Variants in DTNB observed in about 807,000 individuals in gnomAD.
The protein encoded by DTNB is DTN-B.
DTNB carries 63 observed loss-of-function variants against 90.7 expected under a neutral mutation model. The observed-to-expected ratio is 0.69, with a 90% CI of 0.57 to 0.86. The LOEUF is 0.86. DTNB is among the 40% of genes least tolerant of loss of function. The pLI is 0.00. For synonymous variants in DTNB, 277 were observed against 286.7 expected (o/e 0.97, Z 0.34); for missense variants, 744 against 807.1 (o/e 0.92, Z 0.95).
At chr2:25,479,300 A>G (rs2064406018) in intron 10 of DTNB, among the ~76,000 whole-genome samples, 1 of 152,218 alleles carries the variant, frequency 6.6e-6, no homozygotes, top group Non-Finnish European at 1.5e-5. Context: ...AAAATAACAG[A>G]ACAGTACGCA....
intron 12 of DTNB, among the ~76,000 whole-genome samples, chr2:25,442,174 A>T (rs575295615): frequency 6.6e-6 from 1 of 152,256 alleles, no homozygotes; most frequent in Non-Finnish European, 1.5e-5. Flanking sequence ...CTGAAAGAGT[A>T]AAGTACTGGT....
intron 12 of DTNB, among the ~76,000 whole-genome samples, chr2:25,446,839 T>C (rs2058506053): frequency 6.6e-6 from 1 of 152,236 alleles, no homozygotes; most frequent in African/African-American, 2.4e-5. Context: ...ACCCTAATTC[T>C]ATTTTCTTTT....
chr2:25,432,979 T>C lies in DTNB; in HGVS notation c.1364A>G (p.Gln455Arg), dbSNP rs1476061267. Reference protein sequence around the residue: ...NKNREILQEIQRLRLEHEQAS... With the variant: ...NKNREILQEIRRLRLEHEQAS... The stretch of plus-strand genomic sequence containing the variant: ...CTGCTCGTGTTCCAGGCGGAGACGC[T>C]GAATCTCCTGCAGGATCTCTCTAGA... The change falls in exon 14 of 21, where the codon CAG becomes CGG. Residue 455 changes from glutamine to arginine, a missense_variant. Coordinates refer to ENST00000406818, the MANE Select transcript of DTNB (RefSeq NM_021907.5). 2 of 1,608,178 alleles carry C rather than the reference T, an allele frequency of 1.2e-6. No homozygotes were observed. The highest frequency in any genetic ancestry group is 1.3e-5 in the African/African-American group (1 of 74,872).
At position 25,525,492 on chromosome 2, in the gene DTNB, TG is replaced by T. The variant is rs549071514; in HGVS notation, c.1001+5980del. 2.0e-3 allele frequency among the ~76,000 whole-genome samples: 297 copies of T among 151,940 alleles called. 1 individual carries two copies. Among genetic ancestry groups the T allele is most frequent in the Non-Finnish European group, 3.0e-3 (207 of 67,952 alleles). ...CCTCTACCAAAAATATAAAATTAGC[TG>T]GGGGTGGTGGCACATGCCTGTAATC... On this transcript the variant is annotated intron_variant, in intron 9 of 20. Transcript: ENST00000406818.
chr2:25,426,305 A>G (rs1574255017), intron 15 of DTNB, among the ~76,000 whole-genome samples: 1 of 152,228 alleles, frequency 6.6e-6, no homozygotes, highest in South Asian at 2.1e-4. Flanking sequence ...CTTCACCAAC[A>G]TGAGCAGCAT....
intron 9 of DTNB, among the ~76,000 whole-genome samples, chr2:25,483,347 G>C (rs1168667296): frequency 6.6e-6 from 1 of 152,168 alleles, no homozygotes; most frequent in African/African-American, 2.4e-5. Flanking sequence ...CGAGGTGCAT[G>C]CTGTTCCTGA....
intron 3 of DTNB, among the ~76,000 whole-genome samples, chr2:25,630,361 C>G (rs79999892): frequency 0.026 from 3,986 of 152,286 alleles, 73 homozygotes; most frequent in African/African-American, 0.05. Flanking sequence ...AGGTCCCATA[C>G]GACCCAGCAA....
At chr2:25,632,658 A>C (rs906088669) in intron 3 of DTNB, among the ~76,000 whole-genome samples, 2 of 152,224 alleles carry the variant, frequency 1.3e-5, no homozygotes, top group African/African-American at 4.8e-5. Context: ...CATGGCCTCC[A>C]GACTCTGCAG....
rs1289488809 is a variant in DTNB at position 25,634,643 on chromosome 2, G to C, written c.148+4371C>G. ...GGGAAAGGTGGGGAAAAGATTGAGA[G>C]GTTGGATGGTTGCCGTGTCTGTGTA... On this transcript the variant is annotated intron_variant, in intron 3 of 20. Transcript: ENST00000406818. 1.7e-5 allele frequency among the ~76,000 whole-genome samples: 2 copies of C among 115,352 alleles called. 1 individual carries two copies. Among genetic ancestry groups the C allele is most frequent in the Non-Finnish European group, 4.1e-5 (2 of 48,852 alleles). The allele number at this position is 115,352 out of a possible 152,430, so 75.7% of individuals were successfully genotyped here.
chr2:25,617,562 A>T (rs572176406), intron 4 of DTNB, among the ~76,000 whole-genome samples: 19 of 152,342 alleles, frequency 1.2e-4, no homozygotes, highest in African/African-American at 4.3e-4. Context: ...AAATATACAC[A>T]AAAGTTATAA....
At chr2:25,531,235 C>A (rs1203767836) in intron 9 of DTNB, among the ~76,000 whole-genome samples, 1 of 152,202 alleles carries the variant, frequency 6.6e-6, no homozygotes, top group African/African-American at 2.4e-5. Context: ...TCAATGGGCT[C>A]ATGTTTCTGG....
intron 15 of DTNB, among the ~76,000 whole-genome samples, chr2:25,422,849 TA>T (rs950927575): frequency 6.6e-6 from 1 of 152,132 alleles, no homozygotes; most frequent in African/African-American, 2.4e-5. Flanking sequence ...GTAAAAAGTA[TA>T]AGGGAAAGAT....
At chr2:25,524,401 CTTTT>C (rs369653199) in intron 9 of DTNB, among the ~76,000 whole-genome samples, 4 of 114,634 alleles carry the variant, frequency 3.5e-5, no homozygotes, top group Admixed American at 9.0e-5. Context: ...TCTACCAGAG[CTTTT>C]TTTTTTTTTT....
intron 5 of DTNB, 37 bp downstream of exon 5, chr2:25,607,199 G>T: frequency 6.5e-7 from 1 of 1,547,666 alleles, no homozygotes; most frequent in Non-Finnish European, 8.8e-7. Flanking sequence ...GTCCTAATTT[G>T]AAAATGGCAT....
intron 4 of DTNB, among the ~76,000 whole-genome samples, chr2:25,627,724 C>A (rs543585179): frequency 1.3e-5 from 2 of 150,608 alleles, no homozygotes; most frequent in Non-Finnish European, 3.0e-5. Flanking sequence ...GGGCTTACAC[C>A]GAATAATTTT....
chr2:25,622,271 G>A (rs1219354354), intron 4 of DTNB, among the ~76,000 whole-genome samples: 2 of 152,134 alleles, frequency 1.3e-5, no homozygotes, highest in Non-Finnish European at 2.9e-5. Context: ...ATCACTTGAG[G>A]CCAGGAGTTT....
chr2:25,621,207 A>G (rs2072516284), intron 4 of DTNB, among the ~76,000 whole-genome samples: 1 of 152,194 alleles, frequency 6.6e-6, no homozygotes, highest in Non-Finnish European at 1.5e-5. Context: ...AGGAAATTAC[A>G]GTTTTGTTTA....
chr2:25,382,454 G>C (rs947234709), intron 19 of DTNB, among the ~76,000 whole-genome samples: 2 of 144,658 alleles, frequency 1.4e-5, no homozygotes, highest in African/African-American at 2.5e-5. Context: ...TTTCTGTTCA[G>C]TATAACATAG....
chr2:25,558,253 C>G (rs892985348), intron 8 of DTNB: 5 of 985,256 alleles, frequency 5.1e-6, no homozygotes, highest in Admixed American at 6.2e-5. Context: ...CTGTAGATCT[C>G]AGAAAGCATG....
Sources: allele counts gnomAD v4.1 joint callset (sites outside exome capture counted in the v4.1 genomes callset), GRCh38; gene constraint gnomAD v4.1.1; transcripts MANE v1.5; gene names NCBI Gene and HGNC (gene_info 2026-07-23, HGNC 2026-07-21).